HEMK2: variants seen among roughly 807,000 people sequenced by gnomAD.
HEMK2 encodes HemK methyltransferase 2, ETF1 glutamine and histone H4 lysine.
chr21:28,663,238 G>A, the HEMK2 span, among the ~76,000 whole-genome samples: 4 of 152,214 alleles, frequency 2.6e-5, no homozygotes, highest in African/African-American at 9.6e-5. Flanking sequence ...TGAAGTCACA[G>A]AAACAAGTAG....
At chr21:28,757,151 A>T in the HEMK2 span, among the ~76,000 whole-genome samples, 1 of 152,222 alleles carries the variant, frequency 6.6e-6, no homozygotes, top group Admixed American at 6.5e-5. Context: ...TTATGCCAGC[A>T]CACTCTAAGT....
the HEMK2 span, among the ~76,000 whole-genome samples, chr21:28,780,254 T>G: frequency 3.3e-5 from 5 of 152,114 alleles, no homozygotes; most frequent in Admixed American, 2.6e-4. Flanking sequence ...CTCAGCTCAC[T>G]GCAACCTCTG....
At chr21:28,843,333 C>A in the HEMK2 span, among the ~76,000 whole-genome samples, 2 of 152,090 alleles carry the variant, frequency 1.3e-5, no homozygotes, top group Non-Finnish European at 2.9e-5. Context: ...GGAAGAAAGG[C>A]AATCATGAGA....
At chr21:28,621,568 G>C in the HEMK2 span, among the ~76,000 whole-genome samples, 1 of 152,202 alleles carries the variant, frequency 6.6e-6, no homozygotes, top group Non-Finnish European at 1.5e-5. Context: ...TCCAAAAAAG[G>C]AGTCAGCAAA....
At chr21:28,598,567 T>A in the HEMK2 span, among the ~76,000 whole-genome samples, 3 of 152,218 alleles carry the variant, frequency 2.0e-5, no homozygotes, top group Non-Finnish European at 4.4e-5. Flanking sequence ...GGATTTTGCC[T>A]CATGCACCTT....
the HEMK2 span, among the ~76,000 whole-genome samples, chr21:28,617,924 A>G: frequency 6.6e-6 from 1 of 151,932 alleles, no homozygotes; most frequent in Non-Finnish European, 1.5e-5. Context: ...AGTAGCTGGG[A>G]CTACAGGCAT....
At chr21:28,788,172 TCATATATACA>T in the HEMK2 span, among the ~76,000 whole-genome samples, 1 of 115,596 alleles carries the variant, frequency 8.7e-6, no homozygotes, top group Admixed American at 8.7e-5. Context: ...ATATACTCCA[TCATATATACA>T]CATATATACG....
At chr21:28,617,173 G>T in the HEMK2 span, among the ~76,000 whole-genome samples, 1 of 152,212 alleles carries the variant, frequency 6.6e-6, no homozygotes, top group Non-Finnish European at 1.5e-5. Flanking sequence ...GCTGAGGAAG[G>T]TTACATGTAT....
At chr21:28,831,486 A>C in the HEMK2 span, among the ~76,000 whole-genome samples, 917 of 65,298 alleles carry the variant, frequency 0.014, 28 homozygotes, top group East Asian at 0.04. Context: ...AAAGAAAGAA[A>C]GAAAGAAAGA....
chr21:28,825,322 T>C, the HEMK2 span, among the ~76,000 whole-genome samples: 764 of 152,326 alleles, frequency 5.0e-3, 5 homozygotes, highest in African/African-American at 0.017. Flanking sequence ...CACATTCCCA[T>C]GTAATGCTGA....
chr21:28,688,601 T>G, the HEMK2 span, among the ~76,000 whole-genome samples: 1 of 151,934 alleles, frequency 6.6e-6, no homozygotes. Context: ...TAAATGTTGT[T>G]GAATGAATAA....
the HEMK2 span, among the ~76,000 whole-genome samples, chr21:28,654,947 G>A: frequency 2.0e-5 from 3 of 151,972 alleles, no homozygotes; most frequent in Non-Finnish European, 4.4e-5. Context: ...ACATGTACTT[G>A]CTGAAAATGT....
At chr21:28,622,603 A>G in the HEMK2 span, among the ~76,000 whole-genome samples, 2 of 152,298 alleles carry the variant, frequency 1.3e-5, no homozygotes, top group African/African-American at 4.8e-5. Context: ...CAGTAACCAA[A>G]ACAGCATGGT....
At chr21:28,859,030 T>G in the HEMK2 span, among the ~76,000 whole-genome samples, 1 of 152,212 alleles carries the variant, frequency 6.6e-6, no homozygotes, top group African/African-American at 2.4e-5. Flanking sequence ...AGTAAATTAA[T>G]TAAAAAATAA....
the HEMK2 span, among the ~76,000 whole-genome samples, chr21:28,877,614 AAG>A: frequency 1.3e-5 from 2 of 149,126 alleles, no homozygotes; most frequent in African/African-American, 2.5e-5. Context: ...GAAGGAAAAA[AAG>A]AGAAAAGAGA....
the HEMK2 span, among the ~76,000 whole-genome samples, chr21:28,831,745 AAG>A: frequency 3.4e-5 from 5 of 148,040 alleles, no homozygotes; most frequent in African/African-American, 1.3e-4. Flanking sequence ...GAAAGAAAGA[AAG>A]AAAGAAAGAA....
the HEMK2 span, among the ~76,000 whole-genome samples, chr21:28,579,147 G>T: frequency 9.5e-4 from 145 of 152,226 alleles, 5 homozygotes; most frequent in East Asian, 0.026. Context: ...AGTGATTTTT[G>T]ACCATATCAA....
the HEMK2 span, among the ~76,000 whole-genome samples, chr21:28,691,773 T>C: frequency 2.0e-5 from 3 of 152,210 alleles, no homozygotes; most frequent in African/African-American, 7.2e-5. Flanking sequence ...GGACCCAGCA[T>C]AGAATCAAAT....
the HEMK2 span, among the ~76,000 whole-genome samples, chr21:28,789,325 T>A: frequency 1.3e-5 from 2 of 152,086 alleles, no homozygotes; most frequent in Non-Finnish European, 2.9e-5. Flanking sequence ...GAGAAATAGC[T>A]CAATAAACGG....
Sources: gnomAD v4.1 joint callset for allele counts (sites outside exome capture counted in the v4.1 genomes callset) on GRCh38, gnomAD v4.1.1 for gene constraint, MANE v1.5 for transcripts, NCBI Gene and HGNC (gene_info 2026-07-23, HGNC 2026-07-21) for gene names.